TSHZ2: variants seen among roughly 807,000 people sequenced by gnomAD.
The protein encoded by TSHZ2 is teashirt homolog 2.
In TSHZ2, 21 loss-of-function variants were observed where a neutral mutation model predicts 74.4. That is an observed-to-expected ratio of 0.28 (90% CI 0.20 to 0.41). The LOEUF is 0.41. Ranked by LOEUF, TSHZ2 falls within the 10% of genes least tolerant of loss-of-function variation. TSHZ2 has a pLI of 1.00. For synonymous variants in TSHZ2, 540 were observed against 515.3 expected (o/e 1.05, Z -0.65); for missense variants, 1,244 against 1,293.5 (o/e 0.96, Z 0.59).
intron 1 of TSHZ2, among the ~76,000 whole-genome samples, chr20:53,194,211 G>T (rs974117903): frequency 6.6e-6 from 1 of 152,018 alleles, no homozygotes; most frequent in African/African-American, 2.4e-5. Flanking sequence ...CTGTTTTGTT[G>T]GGAGCCTGCT....
At chr20:53,272,371 G>A (rs1292286414) in intron 2 of TSHZ2, among the ~76,000 whole-genome samples, 21 of 152,100 alleles carry the variant, frequency 1.4e-4, no homozygotes, top group Non-Finnish European at 4.4e-5. Flanking sequence ...CCTCCACCTC[G>A]AAGCTCTGGG....
At chr20:53,187,275 C>T (rs973397426) in intron 1 of TSHZ2, among the ~76,000 whole-genome samples, 2 of 152,126 alleles carry the variant, frequency 1.3e-5, no homozygotes, top group Non-Finnish European at 2.9e-5. Flanking sequence ...TCTGTCGATA[C>T]GTTCAAGATG....
chr20:53,427,917 C>T (rs1230077806), intron 2 of TSHZ2, among the ~76,000 whole-genome samples: 1 of 152,200 alleles, frequency 6.6e-6, no homozygotes, highest in Non-Finnish European at 1.5e-5. Flanking sequence ...ATACTAAGGA[C>T]TCTAACATGG....
intron 1 of TSHZ2, among the ~76,000 whole-genome samples, chr20:53,112,882 A>G (rs1986572915): frequency 6.6e-6 from 1 of 152,218 alleles, no homozygotes; most frequent in Non-Finnish European, 1.5e-5. Flanking sequence ...AACAAGCTTG[A>G]AAATAACCTA....
intron 1 of TSHZ2, among the ~76,000 whole-genome samples, chr20:53,173,673 TAAATG>T (rs1988256465): frequency 6.6e-6 from 1 of 151,944 alleles, no homozygotes; most frequent in Admixed American, 6.6e-5. Context: ...GGTATATTGT[TAAATG>T]AAACAGTCAA....
intron 1 of TSHZ2, among the ~76,000 whole-genome samples, chr20:53,051,210 G>T (rs774872865): frequency 6.6e-6 from 1 of 152,036 alleles, no homozygotes; most frequent in Non-Finnish European, 1.5e-5. Flanking sequence ...GTGGTGGCTG[G>T]CGCCTGTAAT....
At position 53,381,904 on chromosome 20, in the gene TSHZ2, G is replaced by T. The variant is rs563968162; in HGVS notation, c.*9-105240G>T. ...CTGTCCCATGTCTCTGTCCCTTTGT[G>T]GGCATTGCTTTCTCTGCCAGCTCTT... On this transcript the variant is annotated intron_variant, in intron 2 of 2. Transcript: ENST00000371497. 2.6e-5 allele frequency among the ~76,000 whole-genome samples: 4 copies of T among 152,308 alleles called. No individual in the cohort carries two copies. In the East Asian group the frequency reaches 5.8e-4, roughly 22 times the overall value.
chr20:53,261,950 G>C (rs1218557364), intron 2 of TSHZ2, among the ~76,000 whole-genome samples: 1 of 152,190 alleles, frequency 6.6e-6, no homozygotes, highest in Non-Finnish European at 1.5e-5. Context: ...TAGCTTAGGT[G>C]GTTGCAGATG....
At chr20:53,060,824 A>G (rs1461737598) in intron 1 of TSHZ2, among the ~76,000 whole-genome samples, 1 of 152,224 alleles carries the variant, frequency 6.6e-6, no homozygotes, top group East Asian at 1.9e-4. Context: ...GGATATCAAC[A>G]GCCAGATTTT....
At chr20:53,224,138 A>T (rs1404179726) in intron 1 of TSHZ2, among the ~76,000 whole-genome samples, 1 of 152,234 alleles carries the variant, frequency 6.6e-6, no homozygotes, top group Non-Finnish European at 1.5e-5. Context: ...TGAAAAATAC[A>T]TATGAAAGGT....
intron 1 of TSHZ2, among the ~76,000 whole-genome samples, chr20:53,083,208 C>T (rs1985589393): frequency 6.6e-6 from 1 of 152,206 alleles, no homozygotes; most frequent in African/African-American, 2.4e-5. Context: ...AGTTAGGCAT[C>T]TGTGCAATCG....
Position 53,400,900 on chromosome 20 carries a change from C to A in TSHZ2, c.*9-86244C>A, listed in dbSNP as rs376667904. The stretch of plus-strand genomic sequence containing the variant: ...CTCACACAGACTCAAGAATTCAGAT[C>A]CCACCTATGTTGCCTTGGTATTCTA... On this transcript the variant is annotated intron_variant, in intron 2 of 2. Transcript: ENST00000371497. Among the ~76,000 whole-genome samples, 271 of 152,298 alleles carry A rather than the reference C, an allele frequency of 1.8e-3. 5 individuals are homozygous for A. The South Asian group carries it at 0.031, about 17-fold the overall frequency.
intron 1 of TSHZ2, among the ~76,000 whole-genome samples, chr20:53,065,213 G>T (rs1033155023): frequency 1.3e-5 from 2 of 152,194 alleles, no homozygotes; most frequent in African/African-American, 4.8e-5. Flanking sequence ...TGGCAGACTA[G>T]TAGCAAGAAA....
At chr20:53,350,778 A>G (rs1274898370) in intron 2 of TSHZ2, among the ~76,000 whole-genome samples, 13 of 152,226 alleles carry the variant, frequency 8.5e-5, no homozygotes, top group Admixed American at 8.5e-4. Context: ...TTTCACCAAT[A>G]TCCCACCTGG....
intron 1 of TSHZ2, chr20:53,198,344 A>T (rs1156537016): frequency 6.6e-6 from 1 of 152,254 alleles, no homozygotes; most frequent in Non-Finnish European, 1.5e-5. Context: ...CTCATGTGCC[A>T]CATGAACTGA....
At chr20:53,247,100 G>C (rs1224645367) in intron 1 of TSHZ2, among the ~76,000 whole-genome samples, 1 of 152,292 alleles carries the variant, frequency 6.6e-6, no homozygotes, top group Middle Eastern at 3.4e-3. Context: ...CTATTTGTTT[G>C]GTTCTGACTT....
intron 1 of TSHZ2, among the ~76,000 whole-genome samples, chr20:53,176,889 G>C (rs974243637): frequency 6.6e-6 from 1 of 151,918 alleles, no homozygotes; most frequent in Non-Finnish European, 1.5e-5. Context: ...GTTTCACTAT[G>C]TTGGCCAGGA....
intron 2 of TSHZ2, among the ~76,000 whole-genome samples, chr20:53,324,531 CTA>C (rs2145531605): frequency 6.6e-6 from 1 of 152,198 alleles, no homozygotes; most frequent in East Asian, 1.9e-4. Context: ...GTATGCATCA[CTA>C]TGTCTAACTC....
At position 53,231,891 on chromosome 20, in the gene TSHZ2, A is replaced by AT. The variant is rs368651479; in HGVS notation, c.41-21599dup. 8.5e-3 allele frequency among the ~76,000 whole-genome samples: 1,293 copies of AT among 151,370 alleles called. 12 individuals are homozygous for AT. Among genetic ancestry groups the AT allele is most frequent in the African/African-American group, 0.03 (1,248 of 41,254 alleles). The stretch of plus-strand genomic sequence containing the variant: ...GGTACTACAGGCCATACAAAACAAT[A>AT]TTTTTTTTTCTAGAGGAGGGTCTTG... On this transcript the variant is annotated intron_variant, in intron 1 of 2. Coordinates refer to ENST00000371497, the MANE Select transcript of TSHZ2 (RefSeq NM_173485.6).
Sources: allele counts gnomAD v4.1 joint callset (sites outside exome capture counted in the v4.1 genomes callset), GRCh38; gene constraint gnomAD v4.1.1; transcripts MANE v1.5; gene names NCBI Gene and HGNC (gene_info 2026-07-23, HGNC 2026-07-21).